OSBPL8: variants seen among roughly 807,000 people sequenced by gnomAD.
OSBPL8 encodes the protein oxysterol-binding protein-related protein 8.
A neutral mutation model predicts 125.5 loss-of-function variants in OSBPL8; 59 were observed. The ratio of observed to expected loss-of-function variants is 0.47; its 90% CI spans 0.38 to 0.58. The LOEUF is 0.58. OSBPL8 is among the 20% of genes least tolerant of loss of function. The probability of loss-of-function intolerance (pLI) is 0.00; values close to 1 mark genes in which losing one functional copy is unlikely to be tolerated. For synonymous variants in OSBPL8, 330 were observed against 338.9 expected (o/e 0.97, Z 0.29); for missense variants, 758 against 1,047.8 (o/e 0.72, Z 3.82).
chr12:76,432,446 T>C (rs1870949965), intron 4 of OSBPL8, among the ~76,000 whole-genome samples: 1 of 152,194 alleles, frequency 6.6e-6, no homozygotes, highest in East Asian at 1.9e-4. Flanking sequence ...CCGGGTGTGG[T>C]GGCACATGCC....
At chr12:76,414,600 T>C (rs1385206646) in intron 4 of OSBPL8, among the ~76,000 whole-genome samples, 3 of 151,466 alleles carry the variant, frequency 2.0e-5, no homozygotes, top group Admixed American at 1.3e-4. Context: ...AAGAGACACA[T>C]GTCACTAGGC....
At chr12:76,488,462 G>T (rs1278367221) in intron 1 of OSBPL8, among the ~76,000 whole-genome samples, 1 of 152,184 alleles carries the variant, frequency 6.6e-6, no homozygotes, top group African/African-American at 2.4e-5. Flanking sequence ...GAAGGTTGGT[G>T]ACAGCCTTGC....
chr12:76,468,664 C>T (rs1875750666), intron 2 of OSBPL8, among the ~76,000 whole-genome samples: 1 of 152,186 alleles, frequency 6.6e-6, no homozygotes, highest in Non-Finnish European at 1.5e-5. Context: ...TATCGTTCTC[C>T]AACTCTGACT....
intron 1 of OSBPL8, among the ~76,000 whole-genome samples, chr12:76,503,636 T>C (rs1270958119): frequency 6.6e-6 from 1 of 152,178 alleles, no homozygotes; most frequent in African/African-American, 2.4e-5. Context: ...CCTCCTGGGT[T>C]CACGCCATCC....
chr12:76,483,660 C>CTTTTTTTT lies in OSBPL8; in HGVS notation c.42+3842_42+3849dup, dbSNP rs869202382. Reference sequence around the variant, plus strand: ...CTCACCCCAAGATCACTGTAATAGTCTTTTTTTTTTTTTTTTTTTTTTTTT... The same window carrying CTTTTTTTT: ...CTCACCCCAAGATCACTGTAATAGTCTTTTTTTTTTTTTTTTTTTTTTTTTTTTTTTTT... On this transcript the variant is annotated intron_variant, in intron 2 of 23. Coordinates refer to ENST00000261183, the MANE Select transcript of OSBPL8 (RefSeq NM_020841.5). Among the ~76,000 whole-genome samples the CTTTTTTTT allele has an allele frequency of 3.7e-4, 21 of 57,454 alleles. 7 individuals carry two copies. Among genetic ancestry groups the CTTTTTTTT allele is most frequent in the African/African-American group, 1.0e-3 (13 of 12,528 alleles). 37.7% of individuals were successfully genotyped at this position (57,454 alleles called of 152,430 possible). A position where few individuals can be genotyped will look rare whatever the true frequency, so the allele number is the denominator to read the frequency against.
At chr12:76,399,754 T>C (rs1953971470) in intron 7 of OSBPL8, 119 bp downstream of exon 7, 2 of 626,026 alleles carry the variant, frequency 3.2e-6, no homozygotes, top group South Asian at 6.0e-5. Context: ...TCTTTGCCAG[T>C]GAAAAACAAT....
At chr12:76,361,055 C>T (rs974463683) in intron 21 of OSBPL8, among the ~76,000 whole-genome samples, 1 of 152,154 alleles carries the variant, frequency 6.6e-6, no homozygotes, top group African/African-American at 2.4e-5. Context: ...AGCTGAATTT[C>T]TCCTGAAAAA....
At chr12:76,361,756 T>C (rs527591362) in intron 21 of OSBPL8, among the ~76,000 whole-genome samples, 53 of 152,188 alleles carry the variant, frequency 3.5e-4, no homozygotes, top group Middle Eastern at 3.4e-3. Flanking sequence ...AACCAGCAGA[T>C]CTCATGAGAC....
intron 2 of OSBPL8, among the ~76,000 whole-genome samples, 199 bp from the exon 3 acceptor site, chr12:76,460,094 A>C (rs10778674): frequency 0.76 from 115,880 of 152,162 alleles, 45,063 homozygotes; most frequent in African/African-American, 0.93. Flanking sequence ...AAAAAAAGAT[A>C]TTGGATTAAG....
chr12:76,370,025 G>T (rs528907652), intron 19 of OSBPL8, among the ~76,000 whole-genome samples: 24 of 152,238 alleles, frequency 1.6e-4, no homozygotes, highest in Admixed American at 1.5e-3. Context: ...CATAAGTGGA[G>T]ACTAATTTTT....
intron 16 of OSBPL8, among the ~76,000 whole-genome samples, chr12:76,376,690 T>C (rs535710601): frequency 6.6e-6 from 1 of 152,302 alleles, no homozygotes; most frequent in Admixed American, 6.5e-5. Context: ...CTTCAAGAAC[T>C]ATACTTGAAG....
intron 4 of OSBPL8, among the ~76,000 whole-genome samples, chr12:76,448,075 G>T (rs775109997): frequency 3.2e-4 from 48 of 152,180 alleles, no homozygotes; most frequent in Non-Finnish European, 5.9e-4. Flanking sequence ...TGTAATAAAG[G>T]TTTTATGGTT....
intron 3 of OSBPL8, among the ~76,000 whole-genome samples, chr12:76,456,691 A>G (rs995955798): frequency 3.9e-5 from 6 of 152,212 alleles, no homozygotes; most frequent in African/African-American, 1.4e-4. Context: ...AGCCTTATAC[A>G]TAATACGAAG....
At chr12:76,531,837 A>G (rs1418328625) in intron 1 of OSBPL8, among the ~76,000 whole-genome samples, 2 of 152,090 alleles carry the variant, frequency 1.3e-5, no homozygotes, top group African/African-American at 2.4e-5. Flanking sequence ...GGAGATCGAG[A>G]CCATCCTGGC....
rs149633972 is a variant in OSBPL8 at position 76,377,800 on chromosome 12, C to A, written c.1729+652G>T. On this transcript the variant is annotated intron_variant, in intron 16 of 23. Coordinates refer to ENST00000261183, the MANE Select transcript of OSBPL8 (RefSeq NM_020841.5). ...CCTGGGTTCAGATCCTGACTTGCCA[C>A]ATTTTAGCTGTATGATCTCAGGCAT... Among the ~76,000 whole-genome samples the A allele has an allele frequency of 5.3e-3, 809 of 152,232 alleles. 5 individuals are homozygous for A. The highest frequency in any genetic ancestry group is 0.018 in the African/African-American group (767 of 41,534).
At position 76,390,664 on chromosome 12, in the gene OSBPL8, G is replaced by A; in HGVS notation, c.930-7C>T. On this transcript the variant is annotated splice_polypyrimidine_tract_variant and splice_region_variant and intron_variant, in intron 10 of 23. Transcript: ENST00000261183. ...AATTTCACTATCATTTAACCTTAAGGGAAAGAATTTTTAGGAGGAAGAATC... is the reference window on the plus strand; with the variant it reads ...AATTTCACTATCATTTAACCTTAAGAGAAAGAATTTTTAGGAGGAAGAATC... 1 of 1,561,796 alleles carries A rather than the reference G, an allele frequency of 6.4e-7. No homozygotes were observed. Among genetic ancestry groups the A allele is most frequent in the Non-Finnish European group, 8.8e-7 (1 of 1,135,460 alleles).
At chr12:76,405,288 G>A (rs752882590) in intron 5 of OSBPL8, among the ~76,000 whole-genome samples, 2 of 151,964 alleles carry the variant, frequency 1.3e-5, no homozygotes, top group African/African-American at 2.4e-5. Context: ...GTGAGACACC[G>A]TCTCTATGAA....
intron 1 of OSBPL8, among the ~76,000 whole-genome samples, chr12:76,554,450 C>A (rs995321271): frequency 6.6e-6 from 1 of 152,182 alleles, no homozygotes; most frequent in Admixed American, 6.5e-5. Context: ...AAGTTTAAAT[C>A]CTTTTAGTAG....
intron 15 of OSBPL8, among the ~76,000 whole-genome samples, chr12:76,380,966 T>C (rs1034757654): frequency 6.6e-6 from 1 of 152,216 alleles, no homozygotes; most frequent in African/African-American, 2.4e-5. Context: ...CATTTTTCCA[T>C]ATCTATCGAA....
Sources: allele counts gnomAD v4.1 joint callset (sites outside exome capture counted in the v4.1 genomes callset), GRCh38; gene constraint gnomAD v4.1.1; transcripts MANE v1.5; gene names NCBI Gene and HGNC (gene_info 2026-07-23, HGNC 2026-07-21).